RAD51B: variants seen among roughly 807,000 people sequenced by gnomAD.
RAD51B encodes RAD51 paralog B.
RAD51B carries 38 observed loss-of-function variants against 42.2 expected under a neutral mutation model. The ratio of observed to expected loss-of-function variants is 0.90; its 90% CI spans 0.70 to 1.18. The LOEUF (loss-of-function observed/expected upper bound fraction) is 1.18, where lower values mean the gene tolerates loss of function less well. Ranked by LOEUF, RAD51B falls within the 50% of genes most tolerant of loss-of-function variation. The probability of loss-of-function intolerance (pLI) is 0.00; values close to 1 mark genes in which losing one functional copy is unlikely to be tolerated. For synonymous variants in RAD51B, 154 were observed against 145.2 expected, an observed-to-expected ratio of 1.06 and a Z score of -0.43; for missense variants, 373 against 400.7, an observed-to-expected ratio of 0.93 and a Z score of 0.59.
At chr14:68,189,960 C>A (rs1473589396) in intron 7 of RAD51B, among the ~76,000 whole-genome samples, 1 of 152,208 alleles carries the variant, frequency 6.6e-6, no homozygotes, top group Non-Finnish European at 1.5e-5. Flanking sequence ...GCCACTGCAC[C>A]TGGCCTCCCT....
chr14:68,088,083 T>C (rs992680823), intron 7 of RAD51B, among the ~76,000 whole-genome samples: 1 of 146,198 alleles, frequency 6.8e-6, no homozygotes, highest in Non-Finnish European at 1.5e-5. Context: ...TCTAGGGCCC[T>C]AAGTGAGCAC....
chr14:67,948,874 G>A (rs1158684844), intron 7 of RAD51B, among the ~76,000 whole-genome samples: 1 of 137,892 alleles, frequency 7.3e-6, no homozygotes, highest in African/African-American at 2.8e-5. Flanking sequence ...GGAGCTTGCA[G>A]TGAGCTGAGA....
At chr14:68,244,094 T>C (rs1028988844) in intron 7 of RAD51B, among the ~76,000 whole-genome samples, 1 of 152,214 alleles carries the variant, frequency 6.6e-6, no homozygotes, top group African/African-American at 2.4e-5. Flanking sequence ...GCTGGTGGGC[T>C]CTATGCTGTC....
At chr14:68,014,032 G>T (rs186528213) in intron 7 of RAD51B, among the ~76,000 whole-genome samples, 6 of 152,166 alleles carry the variant, frequency 3.9e-5, no homozygotes, top group Admixed American at 1.3e-4. Flanking sequence ...TGGTCTTGTT[G>T]TGATAATATT....
chr14:68,287,438 A>G (rs1028062630), intron 7 of RAD51B, among the ~76,000 whole-genome samples: 1 of 152,156 alleles, frequency 6.6e-6, no homozygotes, highest in African/African-American at 2.4e-5. Context: ...GTTCCTTCTA[A>G]TAGGTGGATG....
At chr14:68,217,156 C>T (rs563959545) in intron 7 of RAD51B, among the ~76,000 whole-genome samples, 6 of 152,156 alleles carry the variant, frequency 3.9e-5, no homozygotes, top group Non-Finnish European at 8.8e-5. Context: ...CCCTGCTGCT[C>T]TCCTAAGTGG....
At chr14:67,991,893 T>TA (rs1275834157) in intron 7 of RAD51B, among the ~76,000 whole-genome samples, 2 of 152,104 alleles carry the variant, frequency 1.3e-5, no homozygotes, top group Non-Finnish European at 2.9e-5. Context: ...TGAGAACAAG[T>TA]TTATAATATA....
intron 7 of RAD51B, among the ~76,000 whole-genome samples, chr14:67,940,050 ATATATTTTTTTTTTTTTTTTTTTTTTTT>A (rs2045132543): frequency 7.2e-5 from 1 of 13,886 alleles, no homozygotes; most frequent in African/African-American, 1.7e-4. Context: ...ATATATATAT[ATATATTTTTTTTTTTTTTTTTTTTTTTT>A]TTTTTTTTTT....
chr14:68,541,419 T>A (rs1887960222), intron 10 of RAD51B: 3 of 985,276 alleles, frequency 3.0e-6, no homozygotes, highest in South Asian at 9.4e-5. Flanking sequence ...ACAGAGTGTG[T>A]CTGTGCATCA....
intron 7 of RAD51B, among the ~76,000 whole-genome samples, chr14:68,206,645 A>G (rs1030356531): frequency 6.6e-6 from 1 of 151,088 alleles, no homozygotes; most frequent in Non-Finnish European, 1.5e-5. Context: ...AGATTTAGCC[A>G]GTATGTTCTG....
chr14:68,401,151 T>C (rs2084093887), intron 8 of RAD51B, among the ~76,000 whole-genome samples: 2 of 152,240 alleles, frequency 1.3e-5, no homozygotes, highest in African/African-American at 4.8e-5. Flanking sequence ...TCGTATAAAG[T>C]GAGCATGCTC....
chr14:68,408,103 C>G (rs768566950), intron 8 of RAD51B, among the ~76,000 whole-genome samples: 1 of 152,054 alleles, frequency 6.6e-6, no homozygotes. Flanking sequence ...GCAGTCACAC[C>G]AGGTGAAAGC....
At chr14:68,169,429 C>G (rs1328629807) in intron 7 of RAD51B, among the ~76,000 whole-genome samples, 2 of 152,122 alleles carry the variant, frequency 1.3e-5, no homozygotes. Flanking sequence ...TTATTGGTCA[C>G]TAATTTTGCA....
intron 5 of RAD51B, among the ~76,000 whole-genome samples, chr14:67,877,571 T>C (rs1383752213): frequency 6.6e-6 from 1 of 152,232 alleles, no homozygotes; most frequent in African/African-American, 2.4e-5. Context: ...TTTTTGTGTG[T>C]CTTCTAGATA....
chr14:68,280,274 T>C (rs1350831096), intron 7 of RAD51B, among the ~76,000 whole-genome samples: 3 of 152,242 alleles, frequency 2.0e-5, no homozygotes, highest in African/African-American at 7.2e-5. Context: ...TTATGAATGA[T>C]TTTGCATTAA....
chr14:68,302,306 A>G (rs1165389419), intron 8 of RAD51B, among the ~76,000 whole-genome samples: 1 of 152,180 alleles, frequency 6.6e-6, no homozygotes, highest in East Asian at 1.9e-4. Flanking sequence ...AGCAGGTTAC[A>G]TTTGGTGTCA....
chr14:68,439,153 T>TACACAC (rs10565900), intron 9 of RAD51B, among the ~76,000 whole-genome samples: 41 of 119,286 alleles, frequency 3.4e-4, no homozygotes, highest in South Asian at 2.2e-3. Flanking sequence ...TGTATTTTTG[T>TACACAC]ACACACACAC....
Position 68,337,783 on chromosome 14 carries a change from G to C in RAD51B, c.853+45803G>C, listed in dbSNP as rs556007829. On this transcript the variant is annotated intron_variant, in intron 8 of 10. Coordinates refer to ENST00000471583, the MANE Select transcript of RAD51B (RefSeq NM_133510.4). ...TAGAAATTTTTATTTGTTTTGTTTT[G>C]TTTTGTTTGACAGGATCTCACTCTG... Among the ~76,000 whole-genome samples, 26 of 152,130 alleles carry C rather than the reference G, an allele frequency of 1.7e-4. No individual in the cohort carries two copies. The East Asian group carries it at 5.0e-3, about 29-fold the overall frequency.
chr14:68,534,886 C>A (rs2140356060), intron 10 of RAD51B, among the ~76,000 whole-genome samples: 1 of 152,206 alleles, frequency 6.6e-6, no homozygotes, highest in South Asian at 2.1e-4. Context: ...TTAATAGTAG[C>A]TAATATTTAT....
Sources: gnomAD v4.1 joint callset for allele counts (sites outside exome capture counted in the v4.1 genomes callset) on GRCh38, gnomAD v4.1.1 for gene constraint, MANE v1.5 for transcripts, NCBI Gene and HGNC (gene_info 2026-07-23, HGNC 2026-07-21) for gene names.